FRYL: variants seen among roughly 807,000 people sequenced by gnomAD.
The protein encoded by FRYL is protein furry homolog-like.
Under a neutral mutation model 351.2 loss-of-function variants are expected in FRYL, and 150 were observed. The observed-to-expected ratio is 0.43, with a 90% CI of 0.37 to 0.49. FRYL has a LOEUF of 0.49. Ranked by LOEUF, FRYL falls within the 20% of genes least tolerant of loss-of-function variation. The pLI is 0.00. For missense variants in FRYL, 3,036 were observed against 3,619.3 expected, an observed-to-expected ratio of 0.84 and a Z score of 4.13; for synonymous variants, 1,153 against 1,257.1, an observed-to-expected ratio of 0.92 and a Z score of 1.75.
chr4:48,577,496 A>G (rs1383593762), intron 23 of FRYL, among the ~76,000 whole-genome samples: 1 of 152,218 alleles, frequency 6.6e-6, no homozygotes, highest in Non-Finnish European at 1.5e-5. Flanking sequence ...AAAACTGTCA[A>G]AAAAATCACT....
At chr4:48,645,810 C>CA (rs1756354137) in intron 3 of FRYL, among the ~76,000 whole-genome samples, 2 of 152,052 alleles carry the variant, frequency 1.3e-5, no homozygotes, top group African/African-American at 2.4e-5. Flanking sequence ...TCAAAAGCAC[C>CA]ATAAATAAGG....
chr4:48,609,637 A>C, intron 8 of FRYL, 107 bp downstream of exon 8: 1 of 512,908 alleles, frequency 1.9e-6, no homozygotes, highest in South Asian at 3.5e-5. Flanking sequence ...AAAAAAAGGA[A>C]GATAAGAATT....
At chr4:48,660,332 G>A (rs1258471971) in intron 3 of FRYL, among the ~76,000 whole-genome samples, 1 of 152,190 alleles carries the variant, frequency 6.6e-6, no homozygotes, top group Non-Finnish European at 1.5e-5. Flanking sequence ...GCTATCCTTT[G>A]AAAGGCCTTA....
At chr4:48,713,656 C>T (rs1417982752) in intron 1 of FRYL, among the ~76,000 whole-genome samples, 1 of 152,034 alleles carries the variant, frequency 6.6e-6, no homozygotes, top group Non-Finnish European at 1.5e-5. Context: ...ACTTAGACTC[C>T]CACACATTAA....
intron 3 of FRYL, chr4:48,638,257 T>C (rs930673974): frequency 3.3e-5 from 5 of 152,138 alleles, no homozygotes; most frequent in African/African-American, 1.2e-4. Flanking sequence ...TTACATAACA[T>C]ACAATTGCTT....
At position 48,562,877 on chromosome 4, in the gene FRYL, A is replaced by G; in HGVS notation, c.3696+12T>C. The stretch of plus-strand genomic sequence containing the variant: ...TGAGTAAAAAAATATTTAAATTCAC[A>G]TGTTTACAAACCTGTAAAAGTTGCA... On this transcript the variant is annotated intron_variant, in intron 32 of 63. Transcript: ENST00000358350. The G allele has an allele frequency of 1.4e-6, 2 of 1,437,770 alleles. No homozygotes were observed. The highest frequency in any genetic ancestry group is 1.2e-5 in the South Asian group (1 of 83,994). The allele number at this position is 1,437,770 out of a possible 1,614,324, so 89.1% of individuals were successfully genotyped here. A position where few individuals can be genotyped will look rare whatever the true frequency, so the allele number is the denominator to read the frequency against.
At chr4:48,561,081 G>C (rs1735405596) in intron 33 of FRYL, among the ~76,000 whole-genome samples, 1 of 152,186 alleles carries the variant, frequency 6.6e-6, no homozygotes, top group Admixed American at 6.5e-5. Context: ...ACGGAAAACT[G>C]CCTATAACTT....
chr4:48,540,461 A>G lies in FRYL; in HGVS notation c.6187T>C (p.Phe2063Leu), dbSNP rs372736078. The G allele has an allele frequency of 2.4e-5, 39 of 1,613,952 alleles. No individual in the cohort carries two copies. In the African/African-American group the frequency reaches 4.9e-4, roughly 20 times the overall value. Residue 2063 changes from phenylalanine (F) to leucine (L), a missense_variant, in exon 46 of 64, where the codon TTC becomes CTC. By Grantham distance (22) the Phe-to-Leu change is conservative. Coordinates refer to ENST00000358350, the MANE Select transcript of FRYL (RefSeq NM_015030.2). ...GATGCTGAGGTAAAACCCTTAAGGA[A>G]GAGCTGCTGAAGTCCTGGAAAATTA... The part of the protein sequence containing the change: ...WTNFPGLQQL[F>L]LKGFTSASTQ...
At chr4:48,713,461 G>A (rs555186259) in intron 1 of FRYL, among the ~76,000 whole-genome samples, 5 of 152,020 alleles carry the variant, frequency 3.3e-5, no homozygotes, top group Admixed American at 6.6e-5. Context: ...AAAAGGCAGC[G>A]GTTGCAATCC....
intron 1 of FRYL, among the ~76,000 whole-genome samples, chr4:48,750,230 G>A (rs1039753658): frequency 1.3e-5 from 2 of 151,918 alleles, no homozygotes; most frequent in African/African-American, 4.8e-5. Flanking sequence ...GGAGGCCGAG[G>A]CGAACAAATC....
At position 48,603,366 on chromosome 4, in the gene FRYL, A is replaced by G; in HGVS notation, c.857T>C (p.Val286Ala). 1 of 1,609,690 alleles carries G rather than the reference A, an allele frequency of 6.2e-7. No individual in the cohort carries two copies. Among genetic ancestry groups the G allele is most frequent in the Non-Finnish European group, 8.5e-7 (1 of 1,176,932 alleles). ...CTCCACAAAATTTTTCAAACAGGGA[A>G]CATTCACTTCATTTTTAACAGCCTA... ...VAAAVKNEVN[V>A]PCLKNFVEML... The change falls in exon 12 of 64, where the codon GTT becomes GCT. Residue 286 changes from valine to alanine, a missense_variant. By Grantham distance (64) the Val-to-Ala change is moderately conservative (BLOSUM62 0). Transcript: ENST00000358350.
intron 1 of FRYL, among the ~76,000 whole-genome samples, chr4:48,759,428 G>A (rs1774174483): frequency 6.6e-6 from 1 of 152,196 alleles, no homozygotes; most frequent in Non-Finnish European, 1.5e-5. Context: ...CATTGCTGCT[G>A]TAAAAATGTA....
At chr4:48,649,728 G>T (rs182552097) in intron 3 of FRYL, among the ~76,000 whole-genome samples, 84 of 152,298 alleles carry the variant, frequency 5.5e-4, no homozygotes, top group African/African-American at 1.9e-3. Context: ...TCACTTCATT[G>T]TTGTTACTGA....
chr4:48,550,702 T>C lies in FRYL; in HGVS notation c.4523A>G (p.Tyr1508Cys), dbSNP rs769252770. 3 of 1,593,714 alleles carry C rather than the reference T, an allele frequency of 1.9e-6. No individual in the cohort carries two copies. The highest frequency in any genetic ancestry group is 2.6e-6 in the Non-Finnish European group (3 of 1,161,418). ...TCCACTGTAAATGTCCAGGTGCACA[T>C]AGCTATGGGAATGATCACTGAAGTT... The part of the protein sequence containing the change: ...KPIKENIEES[Y>C]VHLDIYSGLN... The change falls in exon 38 of 64, where the codon TAT (tyrosine) becomes TGT (cysteine). Residue 1508 changes from tyrosine to cysteine, a missense_variant and splice_region_variant. Physicochemically the swap from Tyr to Cys is radical, Grantham distance 194 (BLOSUM62 -2). Around this residue, in one of 7 missense-constraint regions of FRYL, gnomAD observed 1,987 missense variants for 2,311.7 expected, o/e 0.86. Transcript: ENST00000358350.
chr4:48,761,340 T>G (rs1396366619), intron 1 of FRYL, among the ~76,000 whole-genome samples: 4 of 152,178 alleles, frequency 2.6e-5, no homozygotes, highest in Admixed American at 2.6e-4. Context: ...CATCAACGAC[T>G]GATTATAATT....
At chr4:48,591,500 C>T (rs548401288) in intron 16 of FRYL, among the ~76,000 whole-genome samples, 1 of 152,254 alleles carries the variant, frequency 6.6e-6, no homozygotes, top group East Asian at 1.9e-4. Flanking sequence ...AACAGTGGGC[C>T]TATTTATAGT....
At chr4:48,701,310 A>AC (rs1766690582) in intron 2 of FRYL, among the ~76,000 whole-genome samples, 1 of 152,236 alleles carries the variant, frequency 6.6e-6, no homozygotes. Flanking sequence ...AGTCATATCC[A>AC]CAACAAATCT....
chr4:48,711,226 G>T (rs1297960730), intron 1 of FRYL, among the ~76,000 whole-genome samples: 2 of 152,222 alleles, frequency 1.3e-5, no homozygotes. Context: ...GTCAGTGGGT[G>T]CAGCGCACCG....
chr4:48,513,877 T>C (rs907147782), intron 56 of FRYL, among the ~76,000 whole-genome samples: 1 of 152,226 alleles, frequency 6.6e-6, no homozygotes, highest in Non-Finnish European at 1.5e-5. Flanking sequence ...GTCAACTGTT[T>C]GGCTTCAGCC....
Sources: allele counts gnomAD v4.1 joint callset (sites outside exome capture counted in the v4.1 genomes callset), GRCh38; gene constraint gnomAD v4.1.1; regional missense constraint gnomAD v4.1.1; transcripts MANE v1.5; gene names NCBI Gene and HGNC (gene_info 2026-07-23, HGNC 2026-07-21).